The following EYA1 variants were observed in gnomAD, a reference collection of about 807,000 sequenced individuals.
EYA1 encodes protein phosphatase EYA1.
EYA1 carries 16 observed loss-of-function variants against 82.0 expected under a neutral mutation model. The ratio of observed to expected loss-of-function variants is 0.20; its 90% CI spans 0.13 to 0.30. The LOEUF is 0.30. Ranked by LOEUF, EYA1 falls within the 10% of genes least tolerant of loss-of-function variation. The pLI is 1.00. For missense variants in EYA1, 633 were observed against 730.7 expected, an observed-to-expected ratio of 0.87 and a Z score of 1.54; for synonymous variants, 261 against 264.4, an observed-to-expected ratio of 0.99 and a Z score of 0.12.
intron 1 of EYA1, chr8:71,356,751 A>G (rs1826927740): frequency 8.3e-7 from 1 of 1,204,732 alleles, no homozygotes; most frequent in African/African-American, 1.6e-5. Context: ...AAATGACGTG[A>G]TAGTGATTCA....
At chr8:71,245,838 C>T (rs1354677678) in intron 11 of EYA1, among the ~76,000 whole-genome samples, 3 of 152,186 alleles carry the variant, frequency 2.0e-5, no homozygotes, top group Non-Finnish European at 4.4e-5. Flanking sequence ...TGACACTGTA[C>T]GGGCATCAAA....
rs112677552 is a variant in EYA1, at chr8:71,531,815, C to T, written c.33+3929G>A. Among the ~76,000 whole-genome samples, 857 of 152,220 alleles carry T rather than the reference C, an allele frequency of 5.6e-3. 8 individuals are homozygous for T. Among genetic ancestry groups the T allele is most frequent in the African/African-American group, 0.019 (809 of 41,538 alleles). ...AGAAATGATGTGAAAGCCCACAAACCTCCTCCTCTCCATGATGTCCTCATG... is the reference window on the plus strand; with the variant it reads ...AGAAATGATGTGAAAGCCCACAAACTTCCTCCTCTCCATGATGTCCTCATG... On this transcript the variant is annotated intron_variant, in intron 2 of 18. Coordinates refer to the EYA1 transcript ENST00000643681.
chr8:71,254,173 A>T (rs986922406), intron 11 of EYA1, among the ~76,000 whole-genome samples: 1 of 151,090 alleles, frequency 6.6e-6, no homozygotes, highest in Admixed American at 6.6e-5. Flanking sequence ...AGCTTCTCCA[A>T]CTGGAGTACT....
intron 2 of EYA1, among the ~76,000 whole-genome samples, chr8:71,369,383 T>C (rs981532974): frequency 3.3e-5 from 5 of 152,162 alleles, no homozygotes; most frequent in Admixed American, 3.3e-4. Flanking sequence ...CTCACCAGAT[T>C]AAAACAAATG....
chr8:71,317,995 G>T (rs544913795), intron 6 of EYA1, among the ~76,000 whole-genome samples: 1 of 152,198 alleles, frequency 6.6e-6, no homozygotes, highest in African/African-American at 2.4e-5. Flanking sequence ...TTTTAATTAT[G>T]TAAGAGTTGA....
chr8:71,273,901 C>T lies in EYA1; in HGVS notation c.827-2004G>A, dbSNP rs73288365. ...GACAGTATAATTTTGTCGTAAAAGT[C>T]GTTTATCTTTCCTAGATTTTGTTAG... On this transcript the variant is annotated intron_variant, in intron 9 of 17. Coordinates refer to ENST00000340726, the MANE Select transcript of EYA1 (RefSeq NM_000503.6). Among the ~76,000 whole-genome samples the T allele has an allele frequency of 9.3e-3, 1,421 of 152,270 alleles. 28 individuals are homozygous for T. Among genetic ancestry groups the T allele is most frequent in the African/African-American group, 0.032 (1,350 of 41,550 alleles).
intron 9 of EYA1, among the ~76,000 whole-genome samples, chr8:71,284,944 T>C (rs955709268): frequency 7.9e-5 from 12 of 152,226 alleles, no homozygotes; most frequent in Admixed American, 4.6e-4. Context: ...TAGCATGGCA[T>C]TTTAAAAATG....
At chr8:71,481,896 A>C (rs1385036220) in intron 2 of EYA1, among the ~76,000 whole-genome samples, 1 of 152,118 alleles carries the variant, frequency 6.6e-6, no homozygotes, top group Non-Finnish European at 1.5e-5. Flanking sequence ...TTAGTGGTTG[A>C]TTTATTCTGA....
chr8:71,259,003 T>A (rs1452989968), intron 11 of EYA1, among the ~76,000 whole-genome samples: 1 of 152,182 alleles, frequency 6.6e-6, no homozygotes, highest in Non-Finnish European at 1.5e-5. Flanking sequence ...TCAGAGTGCT[T>A]GAGAAAAGGA....
chr8:71,300,672 A>G (rs78337872), intron 7 of EYA1, among the ~76,000 whole-genome samples: 3,906 of 152,226 alleles, frequency 0.026, 186 homozygotes, highest in African/African-American at 0.089. Flanking sequence ...GATAGCAAAG[A>G]TATTCTTCAG....
chr8:71,303,272 ATG>A (rs1223692035), intron 7 of EYA1, among the ~76,000 whole-genome samples: 1 of 136,940 alleles, frequency 7.3e-6, no homozygotes. Context: ...TCCATGATAT[ATG>A]TGTGTGTTTA....
rs547637326 is a variant in EYA1, at chr8:71,462,257, C to T, written c.33+73487G>A. On this transcript the variant is annotated intron_variant, in intron 2 of 18. Coordinates refer to the EYA1 transcript ENST00000643681. ...TCCTCAGCACCCAGTTGGTTTTCCC[C>T]ACCAGGCTTATCAGTGCCCAATGTC... 5.3e-5 allele frequency among the ~76,000 whole-genome samples: 8 copies of T among 152,326 alleles called. No individual in the cohort carries two copies. In the South Asian group the frequency reaches 1.7e-3, roughly 32 times the overall value.
chr8:71,348,894 T>G (rs1826023571), intron 3 of EYA1, among the ~76,000 whole-genome samples: 1 of 152,134 alleles, frequency 6.6e-6, no homozygotes, highest in Admixed American at 6.6e-5. Context: ...TGACTAAATT[T>G]ATCACCTACT....
chr8:71,474,603 C>T (rs891176325), intron 2 of EYA1, among the ~76,000 whole-genome samples: 1 of 152,034 alleles, frequency 6.6e-6, no homozygotes, highest in Non-Finnish European at 1.5e-5. Flanking sequence ...TAAATAATGA[C>T]ATCATATAAA....
At chr8:71,299,311 G>A (rs1242231901) in intron 8 of EYA1, 78 bp from the exon 9 acceptor site, 1 of 1,448,130 alleles carries the variant, frequency 6.9e-7, no homozygotes, top group Non-Finnish European at 9.7e-7. Context: ...GTAACTGTAA[G>A]TATGTTTGGG....
intron 12 of EYA1, among the ~76,000 whole-genome samples, chr8:71,232,216 T>C (rs1410093524): frequency 6.6e-6 from 1 of 152,236 alleles, no homozygotes; most frequent in African/African-American, 2.4e-5. Flanking sequence ...GCTTTTGTAC[T>C]GACATGAGAA....
intron 2 of EYA1, among the ~76,000 whole-genome samples, chr8:71,412,912 A>T (rs1316977080): frequency 6.6e-6 from 1 of 152,136 alleles, no homozygotes; most frequent in African/African-American, 2.4e-5. Flanking sequence ...CTCATCACAA[A>T]GTATGGTGGG....
At chr8:71,269,700 A>T in intron 11 of EYA1, 40 bp downstream of exon 11, 1 of 1,411,100 alleles carries the variant, frequency 7.1e-7, no homozygotes, top group Non-Finnish European at 1.0e-6. Context: ...AGGTATATTT[A>T]CTCCAAAGAA....
intron 9 of EYA1, among the ~76,000 whole-genome samples, chr8:71,293,559 G>C (rs1205116653): frequency 6.6e-6 from 1 of 151,918 alleles, no homozygotes; most frequent in East Asian, 1.9e-4. Flanking sequence ...TTAGCAAACT[G>C]AATCCAACAA....
Sources: gnomAD v4.1 joint callset for allele counts (sites outside exome capture counted in the v4.1 genomes callset) on GRCh38, gnomAD v4.1.1 for gene constraint, MANE v1.5 for transcripts, NCBI Gene and HGNC (gene_info 2026-07-23, HGNC 2026-07-21) for gene names.